Variants in TASP1 observed in about 807,000 individuals in gnomAD.
TASP1 encodes the protein threonine aspartase 1.
In TASP1, 16 loss-of-function variants were observed where a neutral mutation model predicts 56.6. The ratio of observed to expected loss-of-function variants is 0.28; its 90% CI spans 0.19 to 0.43. The LOEUF is 0.43. Ranked by LOEUF, TASP1 falls within the 20% of genes least tolerant of loss-of-function variation. TASP1 has a pLI of 1.00. For synonymous variants in TASP1, 179 were observed against 184.2 expected, an observed-to-expected ratio of 0.97 and a Z score of 0.23; for missense variants, 393 against 511.6, an observed-to-expected ratio of 0.77 and a Z score of 2.24.
chr20:13,325,079 C>A, the TASP1 span, among the ~76,000 whole-genome samples: 4 of 152,268 alleles, frequency 2.6e-5, no homozygotes, highest in South Asian at 8.3e-4. Context: ...GTGTTCCAAC[C>A]AGGGAGCTCC....
At chr20:13,383,724 A>G in the TASP1 span, among the ~76,000 whole-genome samples, 1 of 152,208 alleles carries the variant, frequency 6.6e-6, no homozygotes, top group Non-Finnish European at 1.5e-5. Context: ...AGCTCGGCCT[A>G]TCTCCTAGCT....
At chr20:13,407,201 G>A (rs1016259188) in intron 13 of TASP1, among the ~76,000 whole-genome samples, 6 of 151,726 alleles carry the variant, frequency 4.0e-5, no homozygotes, top group Non-Finnish European at 5.9e-5. Context: ...GAAAATTTTC[G>A]TCACCACTAA....
rs148622651 is a variant in TASP1 at position 13,588,082 on chromosome 20, C to T, written c.283-712G>A. ...TTGAGGCTCCAGCAAACCATAATTA[C>T]GCCAAAAAAAAAGTCCAGAGTTAAC... On this transcript the variant is annotated intron_variant, in intron 4 of 13. Transcript: ENST00000337743. Among the ~76,000 whole-genome samples, 667 of 151,596 alleles carry T rather than the reference C, an allele frequency of 4.4e-3. 1 individual carries two copies. Among genetic ancestry groups the T allele is most frequent in the Non-Finnish European group, 7.3e-3 (493 of 67,890 alleles).
At chr20:13,307,398 C>T in the TASP1 span, among the ~76,000 whole-genome samples, 1 of 152,044 alleles carries the variant, frequency 6.6e-6, no homozygotes, top group Non-Finnish European at 1.5e-5. Context: ...ATACCAACAC[C>T]AAGAAAAAAC....
chr20:13,407,209 T>G (rs898974464), intron 13 of TASP1, among the ~76,000 whole-genome samples: 1 of 152,180 alleles, frequency 6.6e-6, no homozygotes, highest in African/African-American at 2.4e-5. Flanking sequence ...TCGTCACCAC[T>G]AAAAGAAACC....
At chr20:13,187,832 G>A in the TASP1 span, among the ~76,000 whole-genome samples, 1 of 151,688 alleles carries the variant, frequency 6.6e-6, no homozygotes, top group East Asian at 1.9e-4. Flanking sequence ...GGATTACAGT[G>A]GACTTCTCAT....
the TASP1 span, among the ~76,000 whole-genome samples, chr20:13,289,408 G>A: frequency 1.8e-4 from 28 of 152,314 alleles, no homozygotes; most frequent in Non-Finnish European, 3.1e-4. Context: ...AACCTGGGGC[G>A]TCTTGGTAGT....
At chr20:13,119,408 C>G in the TASP1 span, among the ~76,000 whole-genome samples, 9 of 152,192 alleles carry the variant, frequency 5.9e-5, no homozygotes, top group Admixed American at 5.9e-4. Context: ...GCTCTCCATT[C>G]TGATGTCAGC....
chr20:13,447,628 G>C (rs1414877779), intron 11 of TASP1, among the ~76,000 whole-genome samples: 1 of 152,094 alleles, frequency 6.6e-6, no homozygotes, highest in Admixed American at 6.6e-5. Context: ...ACCTACTAAA[G>C]ACAGCCAAAC....
At chr20:13,257,887 ACT>A in the TASP1 span, among the ~76,000 whole-genome samples, 3 of 151,600 alleles carry the variant, frequency 2.0e-5, no homozygotes, top group African/African-American at 7.3e-5. Flanking sequence ...GTGGCTGCAG[ACT>A]CTCTTGTTCT....
chr20:13,168,981 T>G, the TASP1 span: 73,486 of 149,878 alleles, frequency 0.49, 17,918 homozygotes, highest in East Asian at 0.63. Context: ...GCATGTGTCT[T>G]TGTGTGTGTG....
the TASP1 span, among the ~76,000 whole-genome samples, chr20:13,210,098 G>A: frequency 6.6e-6 from 1 of 152,168 alleles, no homozygotes; most frequent in Non-Finnish European, 1.5e-5. Context: ...GATACAGAAT[G>A]TATTGTTTTG....
the TASP1 span, among the ~76,000 whole-genome samples, chr20:13,366,886 T>TACA: frequency 6.6e-6 from 1 of 150,444 alleles, no homozygotes; most frequent in Non-Finnish European, 1.5e-5. Flanking sequence ...ACACACACAC[T>TACA]CTCTCTCACA....
At chr20:13,336,307 TAAGTA>T in the TASP1 span, among the ~76,000 whole-genome samples, 1 of 152,208 alleles carries the variant, frequency 6.6e-6, no homozygotes, top group Non-Finnish European at 1.5e-5. Context: ...ATTTGTTTTG[TAAGTA>T]AAGACCAATA....
chr20:13,520,373 T>C (rs141866408), intron 10 of TASP1, among the ~76,000 whole-genome samples: 7 of 152,252 alleles, frequency 4.6e-5, no homozygotes, highest in Admixed American at 4.6e-4. Flanking sequence ...CTTCAAACTA[T>C]ATTATAAGAC....
chr20:13,500,737 G>A (rs1043580743), intron 10 of TASP1, among the ~76,000 whole-genome samples: 2 of 151,936 alleles, frequency 1.3e-5, no homozygotes, highest in Non-Finnish European at 2.9e-5. Flanking sequence ...AAGAGGAAAA[G>A]AATGAATAAA....
chr20:13,391,742 C>T (rs1028238728), intron 13 of TASP1, among the ~76,000 whole-genome samples: 16 of 151,794 alleles, frequency 1.1e-4, no homozygotes, highest in African/African-American at 3.9e-4. Flanking sequence ...CCGAGGCGGG[C>T]AGATCACGAG....
At chr20:13,243,305 G>C in the TASP1 span, among the ~76,000 whole-genome samples, 1 of 152,154 alleles carries the variant, frequency 6.6e-6, no homozygotes, top group Non-Finnish European at 1.5e-5. Flanking sequence ...TGGAGGCCCT[G>C]ATGTCTTCTT....
At position 13,588,531 on chromosome 20, in the gene TASP1, TAAAC is replaced by T. The variant is rs141378969; in HGVS notation, c.283-1165_283-1162del. ...CAATTGGATTTTTATATATTAGCGA[TAAAC>T]AATCTAAAAATGAAATCAAGAAAAT... On this transcript the variant is annotated intron_variant, in intron 4 of 13. Transcript: ENST00000337743. Among the ~76,000 whole-genome samples the T allele has an allele frequency of 7.9e-3, 1,202 of 152,190 alleles. 13 individuals are homozygous for T. The highest frequency in any genetic ancestry group is 0.028 in the African/African-American group (1,145 of 41,542).
Sources: gnomAD v4.1 joint callset for allele counts (sites outside exome capture counted in the v4.1 genomes callset) on GRCh38, gnomAD v4.1.1 for gene constraint, MANE v1.5 for transcripts, NCBI Gene and HGNC (gene_info 2026-07-23, HGNC 2026-07-21) for gene names.